Variants in CCDC47 observed in about 807,000 individuals in gnomAD.
CCDC47 encodes PAT complex subunit CCDC47.
CCDC47 carries 41 observed loss-of-function variants against 60.5 expected under a neutral mutation model. That is an observed-to-expected ratio of 0.68 (90% confidence interval 0.53 to 0.88). The LOEUF (loss-of-function observed/expected upper bound fraction) is 0.88, where lower values mean the gene tolerates loss of function less well. Among genes scored for constraint, CCDC47 ranks in the 40% least tolerant of loss-of-function variants. The pLI is 0.00. For missense variants in CCDC47, 513 were observed against 580.9 expected (o/e 0.88, Z 1.20); for synonymous variants, 195 against 190.7 (o/e 1.02, Z -0.18).
chr17:63,762,991 G>A (rs773382360), intron 4 of CCDC47, among the ~76,000 whole-genome samples: 7 of 152,116 alleles, frequency 4.6e-5, no homozygotes, highest in Admixed American at 2.6e-4. Context: ...GCATGATTCT[G>A]TACCACTGCA....
rs534720324 is a variant in CCDC47 at position 63,769,579 on chromosome 17, G to A, written c.-19-3385C>T. ...AGTGAGCCGAGACAGCGCCATTGCA[G>A]TCCAGCCTGGGCAACAAGAGTGAAA... On this transcript the variant is annotated intron_variant, in intron 1 of 12. Coordinates refer to ENST00000225726, the MANE Select transcript of CCDC47 (RefSeq NM_020198.3). Among the ~76,000 whole-genome samples the A allele has an allele frequency of 5.6e-5, 8 of 142,168 alleles. No homozygotes were observed. The East Asian group carries it at 1.3e-3, about 23-fold the overall frequency. 93.3% of individuals were successfully genotyped at this position (142,168 alleles called of 152,430 possible). A position where few individuals can be genotyped will look rare whatever the true frequency, so the allele number is the denominator to read the frequency against.
Position 63,761,239 on chromosome 17 carries a change from G to T in CCDC47, c.660C>A (p.Ile220=), listed in dbSNP as rs1046709568. The T allele has an allele frequency of 6.2e-7, 1 of 1,613,970 alleles. No individual in the cohort carries two copies. Among genetic ancestry groups the T allele is most frequent in the East Asian group, 2.2e-5 (1 of 44,894 alleles). Reference sequence around the variant, plus strand: ...GAAGTTTCCTACTTACCCTCAGCTGGATAAGCATGCCCTCACAGCACACTC... The same window carrying T: ...GAAGTTTCCTACTTACCCTCAGCTGTATAAGCATGCCCTCACAGCACACTC... ...SGRVCCEGML[I]QLRFLKRQDL... is the part of the protein sequence containing the mutation. Residue 220 remains isoleucine, a synonymous_variant, in exon 5 of 13, where the codon ATC becomes ATA. Transcript: ENST00000225726.
chr17:63,763,800 G>A (rs1310590111), intron 4 of CCDC47, among the ~76,000 whole-genome samples: 5 of 151,650 alleles, frequency 3.3e-5, no homozygotes, highest in African/African-American at 1.2e-4. Flanking sequence ...CTCCAGCCTG[G>A]TGACAGAGTG....
chr17:63,757,659 A>G (rs2039217896), intron 6 of CCDC47, among the ~76,000 whole-genome samples: 1 of 152,240 alleles, frequency 6.6e-6, no homozygotes, highest in Non-Finnish European at 1.5e-5. Flanking sequence ...TACTTCACAC[A>G]GGAGCACTCA....
Position 63,761,320 on chromosome 17 carries a change from G to A in CCDC47, c.579C>T (p.Ser193=). The A allele has an allele frequency of 1.9e-6, 3 of 1,613,910 alleles. No individual in the cohort carries two copies. Among genetic ancestry groups the A allele is most frequent in the Non-Finnish European group, 2.5e-6 (3 of 1,179,970 alleles). ...CATTCTCCTGGTTCAACTTTCCTGT[G>A]CTTGTGGCTTCTTTGTTAGTTCCAT... The part of the protein sequence containing the change: ...GDDGTNKEAT[S]TGKLNQENEH... Residue 193 remains serine, a synonymous_variant, in exon 5 of 13, where the codon AGC becomes AGT. Coordinates refer to ENST00000225726, the MANE Select transcript of CCDC47 (RefSeq NM_020198.3).
chr17:63,747,207 A>G (rs2039126807), intron 12 of CCDC47: 2 of 984,594 alleles, frequency 2.0e-6, no homozygotes, highest in South Asian at 9.4e-5. Flanking sequence ...TCAGTTTTGA[A>G]AGAAACTACT....
chr17:63,752,530 C>CT (rs2039175055), intron 10 of CCDC47, 101 bp from the exon 11 acceptor site: 1 of 822,220 alleles, frequency 1.2e-6, no homozygotes, highest in Admixed American at 3.3e-5. Flanking sequence ...ACTCATTTCT[C>CT]TAAGTTTGTT....
intron 8 of CCDC47, 91 bp from the exon 9 acceptor site, chr17:63,754,609 C>T (rs1001643356): frequency 2.8e-5 from 21 of 755,090 alleles, no homozygotes; most frequent in Middle Eastern, 3.9e-4. Context: ...GATGGTGCAA[C>T]GGCTCACACC....
chr17:63,770,800 A>G (rs1220824350), intron 1 of CCDC47, among the ~76,000 whole-genome samples: 1 of 151,828 alleles, frequency 6.6e-6, no homozygotes, highest in African/African-American at 2.4e-5. Flanking sequence ...AGCCTGGTCA[A>G]CATGGTGAAA....
chr17:63,755,091 C>G (rs2039195695), intron 8 of CCDC47, among the ~76,000 whole-genome samples: 1 of 152,052 alleles, frequency 6.6e-6, no homozygotes, highest in Non-Finnish European at 1.5e-5. Flanking sequence ...CTGCCTCAGC[C>G]TCCTGAGTAG....
In CCDC47 at chr17:63,772,877, C is replaced by T. The variant is rs550903568; in HGVS notation, c.-20+535G>A. On this transcript the variant is annotated intron_variant, in intron 1 of 12. Transcript: ENST00000225726. ...CCTCTATGACTCCTGAAGCAAGCAA[C>T]ACAGGACCAAGGAAAATTCACACAA... 5 of 152,412 alleles carry T rather than the reference C, an allele frequency of 3.3e-5. No homozygotes were observed. In the East Asian group the frequency reaches 7.7e-4, roughly 23 times the overall value. The allele number at this position is 152,412 out of a possible 1,614,324, so 9.4% of individuals were successfully genotyped here. A position where few individuals can be genotyped will look rare whatever the true frequency, so the allele number is the denominator to read the frequency against.
At chr17:63,749,856 G>A (rs545875188) in intron 12 of CCDC47, among the ~76,000 whole-genome samples, 117 of 152,252 alleles carry the variant, frequency 7.7e-4, no homozygotes, top group South Asian at 3.5e-3. Context: ...TTGGGAGGCC[G>A]AAGCGGGAGG....
At position 63,752,098 on chromosome 17, in the gene CCDC47, T is replaced by G; in HGVS notation, c.1213A>C (p.Lys405Gln). Residue 405 changes from lysine (K) to glutamine (Q), a missense_variant, in exon 12 of 13, where the codon AAA becomes CAA. Coordinates refer to ENST00000225726, the MANE Select transcript of CCDC47 (RefSeq NM_020198.3). ...KFRLNREGKQ[K>Q]ADKNRARVEE... ...ACTCGGGCACGGTTCTTATCTGCTT[T>G]TTGTTTGCCCTTCCCCAAGAAACAA... The G allele has an allele frequency of 1.2e-6, 2 of 1,613,458 alleles. No homozygotes were observed. The highest frequency in any genetic ancestry group is 1.7e-6 in the Non-Finnish European group (2 of 1,179,816).
intron 1 of CCDC47, among the ~76,000 whole-genome samples, chr17:63,769,429 C>A (rs1490373284): frequency 1.3e-5 from 2 of 151,698 alleles, no homozygotes; most frequent in Admixed American, 6.6e-5. Context: ...GCCTGACCAA[C>A]ATGGTGAAAC....
At chr17:63,772,565 C>T (rs2039355172) in intron 1 of CCDC47, among the ~76,000 whole-genome samples, 1 of 151,842 alleles carries the variant, frequency 6.6e-6, no homozygotes, top group African/African-American at 2.4e-5. Context: ...CTTTTCAAAT[C>T]CTACTCTTAA....
Position 63,758,510 on chromosome 17 carries a change from GA to G in CCDC47, c.736-1941del, listed in dbSNP as rs200867273. Among the ~76,000 whole-genome samples, 837 of 144,268 alleles carry G rather than the reference GA, an allele frequency of 5.8e-3. 8 individuals are homozygous for G. The highest frequency in any genetic ancestry group is 0.021 in the African/African-American group (802 of 38,860). The allele number at this position is 144,268 out of a possible 152,430, so 94.6% of individuals were successfully genotyped here. On this transcript the variant is annotated intron_variant, in intron 6 of 12. Transcript: ENST00000225726. ...GCAACATAGCAAATCTCGGTCTCTAGAAAAAAAAAAAATTTAAATTTACAAA... is the reference window on the plus strand; with the variant it reads ...GCAACATAGCAAATCTCGGTCTCTAGAAAAAAAAAAATTTAAATTTACAAA...
In CCDC47 at chr17:63,761,554, G is replaced by A. The variant is rs151228600; in HGVS notation, c.548-203C>T. 101 of 375,920 alleles carry A rather than the reference G, an allele frequency of 2.7e-4. 1 individual carries two copies. The highest frequency in any genetic ancestry group is 2.1e-3 in the East Asian group (39 of 18,160). The allele number at this position is 375,920 out of a possible 1,614,324, so 23.3% of individuals were successfully genotyped here. A position where few individuals can be genotyped will look rare whatever the true frequency, so the allele number is the denominator to read the frequency against. ...AAAAAAAAATTATAAAAAATTAGCC[G>A]GGCATGGTGGCGCGTACCTGTAGTC... is the stretch of plus-strand genomic sequence containing the variant. On this transcript the variant is annotated intron_variant, in intron 4 of 12. Transcript: ENST00000225726.
At chr17:63,766,301 T>C in intron 1 of CCDC47, 107 bp from the exon 2 acceptor site, 2 of 1,066,846 alleles carry the variant, frequency 1.9e-6, no homozygotes, top group Non-Finnish European at 2.6e-6. Context: ...TCTTATTTGG[T>C]ACTATTAGAT....
At chr17:63,760,374 A>G (rs62077504) in intron 6 of CCDC47, among the ~76,000 whole-genome samples, 48,842 of 152,064 alleles carry the variant, frequency 0.32, 8,576 homozygotes, top group South Asian at 0.58. Context: ...ATGTGGTGAC[A>G]GAGTATCACC....
Sources: gnomAD v4.1 joint callset for allele counts (sites outside exome capture counted in the v4.1 genomes callset) on GRCh38, gnomAD v4.1.1 for gene constraint, MANE v1.5 for transcripts, NCBI Gene and HGNC (gene_info 2026-07-23, HGNC 2026-07-21) for gene names.